The following TFDP2 variants were observed in gnomAD, a reference collection of about 807,000 sequenced individuals.
The protein encoded by TFDP2 is transcription factor Dp-2 (E2F dimerization partner 2).
In TFDP2, 17 loss-of-function variants were observed where a neutral mutation model predicts 59.3. The ratio of observed to expected loss-of-function variants is 0.29; its 90% CI spans 0.20 to 0.43. TFDP2 has a LOEUF of 0.43. Among genes scored for constraint, TFDP2 ranks in the 20% least tolerant of loss-of-function variants. The pLI, the probability that TFDP2 is intolerant of heterozygous loss-of-function variation, is 1.00. For missense variants in TFDP2, 391 were observed against 528.8 expected, an observed-to-expected ratio of 0.74 and a Z score of 2.56; for synonymous variants, 180 against 194.7, an observed-to-expected ratio of 0.92 and a Z score of 0.63.
intron 3 of TFDP2, among the ~76,000 whole-genome samples, chr3:142,040,179 G>A (rs1014296121): frequency 6.6e-6 from 1 of 152,036 alleles, no homozygotes; most frequent in East Asian, 1.9e-4. Flanking sequence ...TCAACAGAAC[G>A]AGACTCATTT....
intron 11 of TFDP2, among the ~76,000 whole-genome samples, chr3:141,957,049 G>A (rs148972868): frequency 5.8e-4 from 87 of 151,270 alleles, no homozygotes; most frequent in African/African-American, 2.0e-3. Context: ...GGGCAGGCAC[G>A]GTGGCTCACA....
chr3:142,140,797 G>A (rs1473417572), intron 1 of TFDP2, among the ~76,000 whole-genome samples: 2 of 152,134 alleles, frequency 1.3e-5, no homozygotes, highest in Non-Finnish European at 2.9e-5. Context: ...GGTGTCTGTC[G>A]CCCCCTACTG....
chr3:142,148,948 T>C (rs1368285181), intron 1 of TFDP2, among the ~76,000 whole-genome samples: 1 of 152,192 alleles, frequency 6.6e-6, no homozygotes, highest in East Asian at 1.9e-4. Context: ...TCAGGGACGT[T>C]ACCTCCCCCG....
chr3:142,139,465 T>C (rs1326367351), intron 1 of TFDP2, among the ~76,000 whole-genome samples: 1 of 152,218 alleles, frequency 6.6e-6, no homozygotes, highest in Non-Finnish European at 1.5e-5. Context: ...ATAGCATTCA[T>C]GGTCTTTAAA....
intron 3 of TFDP2, among the ~76,000 whole-genome samples, chr3:142,035,384 C>G (rs1212093213): frequency 3.3e-5 from 5 of 152,308 alleles, no homozygotes; most frequent in Admixed American, 2.6e-4. Context: ...TCTGTCTTCA[C>G]TCAGCACTCA....
chr3:141,959,341 C>T (rs1411439267), intron 11 of TFDP2, among the ~76,000 whole-genome samples: 3 of 151,978 alleles, frequency 2.0e-5, no homozygotes, highest in African/African-American at 7.3e-5. Context: ...TTTAAAACTC[C>T]CTCATTGAGC....
intron 1 of TFDP2, among the ~76,000 whole-genome samples, chr3:142,142,336 A>T (rs1048401270): frequency 6.6e-6 from 1 of 152,252 alleles, no homozygotes; most frequent in Non-Finnish European, 1.5e-5. Context: ...AAGAAATTTT[A>T]AAAGTAACTC....
At position 142,048,547 on chromosome 3, in the gene TFDP2, G is replaced by A. The variant is rs116552611; in HGVS notation, c.83-43003C>T. 5.7e-3 allele frequency among the ~76,000 whole-genome samples: 873 copies of A among 152,144 alleles called. 12 individuals carry two copies. The highest frequency in any genetic ancestry group is 0.018 in the African/African-American group (754 of 41,522). On this transcript the variant is annotated intron_variant, in intron 3 of 12. Transcript: ENST00000489671. ...TAAAGAAAGATATAAATGCAGAGCC[G>A]TTTTCAACCTCTGATTTGAAAGACC...
At chr3:142,081,630 G>A (rs1364236109) in intron 3 of TFDP2, among the ~76,000 whole-genome samples, 1 of 152,066 alleles carries the variant, frequency 6.6e-6, no homozygotes, top group African/African-American at 2.4e-5. Flanking sequence ...AATAAAATCA[G>A]AGACAAAAAA....
intron 6 of TFDP2, among the ~76,000 whole-genome samples, chr3:141,991,651 A>G (rs1403012723): frequency 1.3e-5 from 2 of 152,164 alleles, no homozygotes; most frequent in Non-Finnish European, 2.9e-5. Flanking sequence ...TGGGAGGCTG[A>G]GGCAGGAGAA....
intron 3 of TFDP2, among the ~76,000 whole-genome samples, chr3:142,047,432 T>G (rs1406864404): frequency 6.6e-6 from 1 of 152,146 alleles, no homozygotes; most frequent in African/African-American, 2.4e-5. Context: ...CACTAATCAA[T>G]TCTCACTGGT....
At chr3:141,978,044 A>C (rs1027640470) in intron 7 of TFDP2, among the ~76,000 whole-genome samples, 6 of 151,714 alleles carry the variant, frequency 4.0e-5, no homozygotes, top group African/African-American at 1.5e-4. Context: ...AAACAAAAAA[A>C]AACAAAAAAA....
chr3:142,066,888 T>C (rs2060090147), intron 3 of TFDP2, among the ~76,000 whole-genome samples: 2 of 152,172 alleles, frequency 1.3e-5, no homozygotes. Context: ...ATATACCATA[T>C]TAACAGTACT....
Position 141,978,728 on chromosome 3 carries a change from A to G in TFDP2, c.357-46T>C, listed in dbSNP as rs1034178942. ...TTTTACTCCATTATACATATTAGAG[A>G]CTTTCTTTACAAATCTCTGTAAGAT... On this transcript the variant is annotated intron_variant, in intron 6 of 12. Coordinates refer to ENST00000489671, the MANE Select transcript of TFDP2 (RefSeq NM_001178139.2). 2.2e-6 allele frequency: 3 copies of G among 1,375,060 alleles called. No individual in the cohort carries two copies. The East Asian group carries it at 7.5e-5, about 34-fold the overall frequency. The allele number at this position is 1,375,060 out of a possible 1,614,324, so 85.2% of individuals were successfully genotyped here.
intron 1 of TFDP2, 56 bp from the exon 2 acceptor site, chr3:142,101,897 A>G: frequency 2.2e-6 from 1 of 460,842 alleles, no homozygotes; most frequent in East Asian, 3.0e-5. Flanking sequence ...GGCAACATTT[A>G]TGTCATATTT....
At chr3:142,097,797 A>G (rs2061207000) in intron 2 of TFDP2, among the ~76,000 whole-genome samples, 1 of 152,160 alleles carries the variant, frequency 6.6e-6, no homozygotes, top group East Asian at 1.9e-4. Flanking sequence ...GCTCATGTCC[A>G]TAAACCCAGC....
intron 6 of TFDP2, among the ~76,000 whole-genome samples, chr3:141,990,552 T>C (rs1392185893): frequency 1.3e-5 from 2 of 152,166 alleles, no homozygotes; most frequent in Non-Finnish European, 2.9e-5. Context: ...TATTTTCTTA[T>C]TTAGGTTTTA....
intron 2 of TFDP2, among the ~76,000 whole-genome samples, chr3:142,097,147 A>G (rs1446059601): frequency 6.6e-6 from 1 of 152,214 alleles, no homozygotes; most frequent in Non-Finnish European, 1.5e-5. Context: ...ATTTATAAAC[A>G]TATAAAAAGA....
chr3:141,998,505 T>A (rs1943486328), intron 4 of TFDP2, among the ~76,000 whole-genome samples: 1 of 152,062 alleles, frequency 6.6e-6, no homozygotes, highest in African/African-American at 2.4e-5. Context: ...TAATCCCAGC[T>A]ACTCAGGAGG....
Sources: allele counts gnomAD v4.1 joint callset (sites outside exome capture counted in the v4.1 genomes callset), GRCh38; gene constraint gnomAD v4.1.1; transcripts MANE v1.5; gene names NCBI Gene and HGNC (gene_info 2026-07-23, HGNC 2026-07-21).